Variants in ARHGAP26 observed in about 807,000 individuals in gnomAD.
ARHGAP26 encodes the protein Rho GTPase activating protein 26, also known as rho GTPase-activating protein 26.
ARHGAP26 carries 38 observed loss-of-function variants against 104.8 expected under a neutral mutation model. The ratio of observed to expected loss-of-function variants is 0.36; its 90% confidence interval spans 0.28 to 0.48. ARHGAP26 has a LOEUF of 0.48. ARHGAP26 is among the 20% of genes least tolerant of loss of function. ARHGAP26 has a pLI of 0.99. For missense variants in ARHGAP26, 704 were observed against 947.9 expected (o/e 0.74, Z 3.38); for synonymous variants, 341 against 340.0 (o/e 1.00, Z -0.03).
chr5:142,855,620 C>G (rs186559912), intron 1 of ARHGAP26, among the ~76,000 whole-genome samples: 1 of 152,226 alleles, frequency 6.6e-6, no homozygotes, highest in Non-Finnish European at 1.5e-5. Flanking sequence ...CTATTCCTTC[C>G]TTCTATCCAT....
At chr5:142,842,687 T>C (rs1771053892) in intron 1 of ARHGAP26, among the ~76,000 whole-genome samples, 7 of 152,228 alleles carry the variant, frequency 4.6e-5, no homozygotes, top group Admixed American at 2.6e-4. Context: ...CCTATGTCTT[T>C]GGGCAGGCAC....
At chr5:142,844,051 GTT>G (rs34122289) in intron 1 of ARHGAP26, among the ~76,000 whole-genome samples, 7 of 132,138 alleles carry the variant, frequency 5.3e-5, no homozygotes, top group Admixed American at 7.5e-5. Flanking sequence ...CTAAAAGTGA[GTT>G]TTTTTTTTTT....
chr5:142,980,352 C>CTTTTATTTTATTTTAT (rs375787576), intron 11 of ARHGAP26, among the ~76,000 whole-genome samples: 9 of 131,536 alleles, frequency 6.8e-5, no homozygotes, highest in African/African-American at 2.6e-4. Context: ...CTCTAGGAAC[C>CTTTTATTTTATTTTAT]TTTATTTTAT....
At chr5:143,033,104 C>G (rs1782124959) in intron 12 of ARHGAP26, among the ~76,000 whole-genome samples, 3 of 152,196 alleles carry the variant, frequency 2.0e-5, no homozygotes, top group Non-Finnish European at 4.4e-5. Flanking sequence ...ATCTTGAGCT[C>G]ATAATGTTTG....
intron 11 of ARHGAP26, among the ~76,000 whole-genome samples, chr5:142,938,304 G>A (rs1765742457): frequency 6.6e-6 from 1 of 152,118 alleles, no homozygotes; most frequent in Non-Finnish European, 1.5e-5. Flanking sequence ...AAATGATTCT[G>A]CTGGATTTTT....
chr5:143,201,946 G>C (rs1435227788), intron 20 of ARHGAP26, among the ~76,000 whole-genome samples: 2 of 152,306 alleles, frequency 1.3e-5, no homozygotes, highest in East Asian at 1.9e-4. Flanking sequence ...GCTTGGTCCA[G>C]TGCTGAGTTC....
chr5:143,049,785 G>A (rs545691355), intron 14 of ARHGAP26, among the ~76,000 whole-genome samples: 4 of 152,236 alleles, frequency 2.6e-5, no homozygotes, highest in African/African-American at 9.6e-5. Context: ...CTATAAGCCT[G>A]CATTGATTTT....
intron 17 of ARHGAP26, 24 bp from the exon 18 acceptor site, chr5:143,120,964 A>G: frequency 6.2e-7 from 1 of 1,607,212 alleles, no homozygotes; most frequent in Non-Finnish European, 8.5e-7. Context: ...TCTCATTGGT[A>G]CCTTTTCTTT....
chr5:142,856,977 A>G lies in ARHGAP26; in HGVS notation c.155-16423A>G, dbSNP rs886257773. Among the ~76,000 whole-genome samples, 9 of 152,198 alleles carry G rather than the reference A, an allele frequency of 5.9e-5. No individual in the cohort carries two copies. The South Asian group carries it at 1.2e-3, about 21-fold the overall frequency. The stretch of plus-strand genomic sequence containing the variant: ...CCAGAAATCTGAAATCAGAGTGTCA[A>G]CAGGGCCATATTCTTTTGGAAGGCT... On this transcript the variant is annotated intron_variant, in intron 1 of 22. Coordinates refer to ENST00000645722, the MANE Select transcript of ARHGAP26 (RefSeq NM_001135608.3).
chr5:143,207,303 C>T lies in ARHGAP26; in HGVS notation c.2094C>T (p.Pro698=), dbSNP rs781421564. The T allele has an allele frequency of 1.5e-5, 25 of 1,614,052 alleles. No homozygotes were observed. Among genetic ancestry groups the T allele is most frequent in the Middle Eastern group, 1.6e-4 (1 of 6,084 alleles). ...CATCCACGTCCAGCGACTCATCCCC[C>T]GTCAGGTCTGTTGCAGGGTTTGTTT... is the stretch of plus-strand genomic sequence containing the variant. ...PTSSTSSDSS[P]VSTPFRKAKA... Residue 698 remains proline (P), a synonymous_variant, in exon 21 of 23, where the codon CCC becomes CCT. Coordinates refer to ENST00000645722, the MANE Select transcript of ARHGAP26 (RefSeq NM_001135608.3).
At chr5:142,772,110 G>T (rs1755329898) in intron 1 of ARHGAP26, among the ~76,000 whole-genome samples, 1 of 152,222 alleles carries the variant, frequency 6.6e-6, no homozygotes, top group Non-Finnish European at 1.5e-5. Flanking sequence ...TGTGGGAATT[G>T]TTCCCAGGCC....
At chr5:142,977,826 T>C (rs1186609369) in intron 11 of ARHGAP26, among the ~76,000 whole-genome samples, 1 of 152,224 alleles carries the variant, frequency 6.6e-6, no homozygotes, top group Non-Finnish European at 1.5e-5. Flanking sequence ...GGGTGTAAGT[T>C]GTCAGCACAG....
intron 1 of ARHGAP26, among the ~76,000 whole-genome samples, chr5:142,852,448 A>C (rs1345357343): frequency 1.3e-5 from 2 of 152,232 alleles, no homozygotes; most frequent in Non-Finnish European, 2.9e-5. Context: ...GCAATCTTAA[A>C]ACCATCCTTC....
chr5:142,950,231 G>C (rs1768098864), intron 11 of ARHGAP26, among the ~76,000 whole-genome samples: 1 of 152,150 alleles, frequency 6.6e-6, no homozygotes, highest in South Asian at 2.1e-4. Flanking sequence ...CAGGCAGAAA[G>C]CTGAAGGCGG....
At chr5:142,890,168 A>ATATATATG (rs1562024188) in intron 5 of ARHGAP26, among the ~76,000 whole-genome samples, 2 of 89,428 alleles carry the variant, frequency 2.2e-5, no homozygotes, top group African/African-American at 9.9e-5. Flanking sequence ...ATATATATAT[A>ATATATATG]TATATATATA....
At chr5:142,828,798 G>A (rs1220190724) in intron 1 of ARHGAP26, among the ~76,000 whole-genome samples, 1 of 152,128 alleles carries the variant, frequency 6.6e-6, no homozygotes, top group Admixed American at 6.5e-5. Flanking sequence ...TTGCCACCTG[G>A]CCCATCTGTA....
intron 17 of ARHGAP26, among the ~76,000 whole-genome samples, chr5:143,106,347 G>A (rs868384825): frequency 8.5e-5 from 13 of 152,216 alleles, no homozygotes; most frequent in South Asian, 6.2e-4. Context: ...ATCATTGTGC[G>A]GGTAACCACA....
intron 5 of ARHGAP26, among the ~76,000 whole-genome samples, chr5:142,890,146 AAAAAAATATATATATATATATAT>A (rs1471284594): frequency 1.6e-4 from 14 of 89,226 alleles, no homozygotes; most frequent in African/African-American, 5.5e-4. Context: ...TAAAAAAAAA[AAAAAAATATATATATATATATAT>A]ATATATATAT....
At chr5:142,823,457 C>T (rs1766602578) in intron 1 of ARHGAP26, among the ~76,000 whole-genome samples, 1 of 152,018 alleles carries the variant, frequency 6.6e-6, no homozygotes, top group Non-Finnish European at 1.5e-5. Context: ...AATGTGTTCC[C>T]ACTTCTCCCA....
Sources: allele counts gnomAD v4.1 joint callset (sites outside exome capture counted in the v4.1 genomes callset), GRCh38; gene constraint gnomAD v4.1.1; transcripts MANE v1.5; gene names NCBI Gene and HGNC (gene_info 2026-07-23, HGNC 2026-07-21).